Variants in ENTREP2 observed in about 807,000 individuals in gnomAD.
The protein encoded by ENTREP2 is endosomal transmembrane epsin interactor 2.
chr15:29,183,895 TA>T, the ENTREP2 span, among the ~76,000 whole-genome samples: 1 of 152,180 alleles, frequency 6.6e-6, no homozygotes, highest in Non-Finnish European at 1.5e-5. Flanking sequence ...AGAAAAAGAA[TA>T]GAAGCAAATA....
chr15:29,361,697 A>G, the ENTREP2 span, among the ~76,000 whole-genome samples: 1 of 151,942 alleles, frequency 6.6e-6, no homozygotes, highest in Non-Finnish European at 1.5e-5. Flanking sequence ...TCTGACGACC[A>G]CTCTGTGCTC....
chr15:29,284,714 T>C, the ENTREP2 span, among the ~76,000 whole-genome samples: 1 of 152,078 alleles, frequency 6.6e-6, no homozygotes, highest in African/African-American at 2.4e-5. Context: ...GAGAAATCAA[T>C]GATTGGACCT....
chr15:29,326,230 A>C, the ENTREP2 span, among the ~76,000 whole-genome samples: 65 of 152,194 alleles, frequency 4.3e-4, no homozygotes, highest in Non-Finnish European at 7.5e-4. Flanking sequence ...TAGCTAGTGC[A>C]ATAAGACAAG....
At chr15:29,670,178 T>A in the ENTREP2 span, among the ~76,000 whole-genome samples, 1 of 152,170 alleles carries the variant, frequency 6.6e-6, no homozygotes, top group Non-Finnish European at 1.5e-5. Context: ...TAAGGCAGGA[T>A]CCATGGTGGG....
At chr15:29,241,299 T>C in the ENTREP2 span, among the ~76,000 whole-genome samples, 1 of 152,272 alleles carries the variant, frequency 6.6e-6, no homozygotes, top group Admixed American at 6.5e-5. Context: ...TATACAGCAA[T>C]GTATGAAATG....
the ENTREP2 span, among the ~76,000 whole-genome samples, chr15:29,561,119 G>A: frequency 1.3e-5 from 1 of 76,002 alleles, no homozygotes; most frequent in Non-Finnish European, 2.7e-5. Context: ...CAAAGATACG[G>A]AGAAAGGGGA....
the ENTREP2 span, among the ~76,000 whole-genome samples, chr15:29,200,922 ATTTAT>A: frequency 3.7e-4 from 56 of 152,264 alleles, no homozygotes; most frequent in Non-Finnish European, 5.6e-4. Flanking sequence ...GAATTTTCCA[ATTTAT>A]TTATTTCCTC....
chr15:29,417,452 A>G, the ENTREP2 span, among the ~76,000 whole-genome samples: 1 of 152,168 alleles, frequency 6.6e-6, no homozygotes, highest in Admixed American at 6.5e-5. Context: ...ATGAGAACAC[A>G]TGGACACAGT....
the ENTREP2 span, among the ~76,000 whole-genome samples, chr15:29,553,189 G>A: frequency 1.3e-5 from 2 of 152,176 alleles, no homozygotes; most frequent in African/African-American, 2.4e-5. Flanking sequence ...CCAGCTGCTT[G>A]GGAGGCTGAG....
chr15:29,207,586 TAC>T, the ENTREP2 span, among the ~76,000 whole-genome samples: 1 of 152,090 alleles, frequency 6.6e-6, no homozygotes, highest in Non-Finnish European at 1.5e-5. Context: ...TGGTGCATTT[TAC>T]AGAGCGCTGA....
the ENTREP2 span, among the ~76,000 whole-genome samples, chr15:29,293,960 G>A: frequency 3.3e-4 from 51 of 152,288 alleles, no homozygotes; most frequent in Middle Eastern, 3.4e-3. Context: ...AGATTGTCTG[G>A]GAAGAGGAGC....
chr15:29,131,935 G>GGCATCTGAACTAATCCTACCCTAACCCA, the ENTREP2 span, among the ~76,000 whole-genome samples: 1 of 137,442 alleles, frequency 7.3e-6, no homozygotes, highest in Non-Finnish European at 1.7e-5. Context: ...GAAAGAGAAT[G>GGCATCTGAACTAATCCTACCCTAACCCA]GCATCTGACC....
the ENTREP2 span, among the ~76,000 whole-genome samples, chr15:29,660,572 G>A: frequency 6.6e-6 from 1 of 152,238 alleles, no homozygotes; most frequent in South Asian, 2.1e-4. Context: ...TTTGGGTTTC[G>A]AACCATGTGA....
chr15:29,670,695 C>T, the ENTREP2 span, among the ~76,000 whole-genome samples: 2 of 152,102 alleles, frequency 1.3e-5, no homozygotes, highest in African/African-American at 2.4e-5. Flanking sequence ...CGGGTCCCTC[C>T]AAGGAGCCTA....
the ENTREP2 span, among the ~76,000 whole-genome samples, chr15:29,446,164 GC>G: frequency 6.6e-6 from 1 of 152,204 alleles, no homozygotes; most frequent in Admixed American, 6.5e-5. Flanking sequence ...CACTGAATCT[GC>G]CAGCACCTTG....
the ENTREP2 span, among the ~76,000 whole-genome samples, chr15:29,455,946 A>G: frequency 6.6e-6 from 1 of 152,232 alleles, no homozygotes; most frequent in African/African-American, 2.4e-5. Flanking sequence ...CCCAGATGAA[A>G]CTGTCCAGTT....
the ENTREP2 span, among the ~76,000 whole-genome samples, chr15:29,558,370 T>C: frequency 6.6e-6 from 1 of 151,832 alleles, no homozygotes. Flanking sequence ...TGAGTGATGC[T>C]ACATGGACTT....
the ENTREP2 span, among the ~76,000 whole-genome samples, chr15:29,646,717 T>C: frequency 2.6e-5 from 4 of 152,164 alleles, no homozygotes; most frequent in African/African-American, 7.2e-5. Context: ...AGTACCTAGA[T>C]GAACATTTGA....
chr15:29,172,389 T>TG, the ENTREP2 span, among the ~76,000 whole-genome samples: 1 of 152,140 alleles, frequency 6.6e-6, no homozygotes, highest in Non-Finnish European at 1.5e-5. Flanking sequence ...CCTAGATGGT[T>TG]GGAAGTGTCA....
Sources: allele counts gnomAD v4.1 joint callset (sites outside exome capture counted in the v4.1 genomes callset), GRCh38; gene constraint gnomAD v4.1.1; transcripts MANE v1.5; gene names NCBI Gene and HGNC (gene_info 2026-07-23, HGNC 2026-07-21).